The following TREML2 variants were observed in gnomAD, a reference collection of about 807,000 sequenced individuals.
The protein encoded by TREML2 is triggering receptor expressed on myeloid cells like 2.
Under a neutral mutation model 25.9 loss-of-function variants are expected in TREML2, and 24 were observed. The ratio of observed to expected loss-of-function variants is 0.93; its 90% CI spans 0.67 to 1.30. The LOEUF (loss-of-function observed/expected upper bound fraction) is 1.30, where lower values mean the gene tolerates loss of function less well. TREML2 is among the 50% of genes most tolerant of loss of function. The pLI is 0.00. For missense variants in TREML2, 359 were observed against 395.6 expected, an observed-to-expected ratio of 0.91 and a Z score of 0.78; for synonymous variants, 139 against 155.2, an observed-to-expected ratio of 0.90 and a Z score of 0.77.
chr6:41,199,325 A>G (rs1242205214), intron 1 of TREML2, among the ~76,000 whole-genome samples: 1 of 152,246 alleles, frequency 6.6e-6, no homozygotes, highest in African/African-American at 2.4e-5. Flanking sequence ...TTATTTCACA[A>G]ATAGGTTCAC....
At chr6:41,200,885 GA>G in intron 1 of TREML2, 68 bp downstream of exon 1, 4 of 1,370,994 alleles carry the variant, frequency 2.9e-6, no homozygotes, top group Non-Finnish European at 3.9e-6. Flanking sequence ...AGGAGGGTAA[GA>G]AAAAGGCCCT....
At chr6:41,196,266 C>T (rs1047208978) in intron 2 of TREML2, among the ~76,000 whole-genome samples, 1 of 152,168 alleles carries the variant, frequency 6.6e-6, no homozygotes, top group African/African-American at 2.4e-5. Context: ...GGGTCTCACT[C>T]AGAACTGGAG....
At chr6:41,199,706 C>CA (rs928637482) in intron 1 of TREML2, among the ~76,000 whole-genome samples, 4 of 151,940 alleles carry the variant, frequency 2.6e-5, no homozygotes, top group South Asian at 2.1e-4. Flanking sequence ...CAGAGTCTTC[C>CA]AAAAAAACCA....
At chr6:41,193,172 G>A (rs1023023130) in intron 3 of TREML2, among the ~76,000 whole-genome samples, 3 of 152,136 alleles carry the variant, frequency 2.0e-5, no homozygotes, top group Non-Finnish European at 4.4e-5. Context: ...GAGGATTCTA[G>A]GAGACTCCCA....
At chr6:41,198,807 G>T (rs770629218) in intron 1 of TREML2, among the ~76,000 whole-genome samples, 5 of 152,330 alleles carry the variant, frequency 3.3e-5, no homozygotes, top group Non-Finnish European at 5.9e-5. Context: ...TGATGGGAAA[G>T]TGACAAGCTC....
At chr6:41,192,644 C>T in intron 4 of TREML2, 138 bp from the exon 5 acceptor site, 1 of 1,140,828 alleles carries the variant, frequency 8.8e-7, no homozygotes, top group Non-Finnish European at 1.3e-6. Context: ...GCTGGGTGGT[C>T]TCCGCCTGGC....
intron 3 of TREML2, among the ~76,000 whole-genome samples, 183 bp downstream of exon 3, chr6:41,194,242 T>C: frequency 8.9e-6 from 1 of 111,790 alleles, no homozygotes; most frequent in Non-Finnish European, 1.8e-5. Flanking sequence ...GCCCCTCCTC[T>C]CTCCTGCCCC....
intron 1 of TREML2, among the ~76,000 whole-genome samples, chr6:41,200,032 C>A (rs1766246119): frequency 6.6e-6 from 1 of 152,190 alleles, no homozygotes; most frequent in Non-Finnish European, 1.5e-5. Context: ...CCAATGGAAC[C>A]CAGAGCTGTG....
intron 3 of TREML2, among the ~76,000 whole-genome samples, chr6:41,194,048 C>A (rs1207734369): frequency 2.0e-5 from 3 of 149,468 alleles, no homozygotes; most frequent in Admixed American, 6.7e-5. Flanking sequence ...ACCAACTCCG[C>A]TCCCCACTGA....
intron 1 of TREML2, among the ~76,000 whole-genome samples, chr6:41,200,367 C>T (rs1766252807): frequency 6.6e-6 from 1 of 152,168 alleles, no homozygotes; most frequent in African/African-American, 2.4e-5. Context: ...TCCCACCCCT[C>T]TCACAGGCAG....
At chr6:41,197,171 C>T (rs936720208) in intron 2 of TREML2, among the ~76,000 whole-genome samples, 1 of 152,216 alleles carries the variant, frequency 6.6e-6, no homozygotes, top group Admixed American at 6.5e-5. Context: ...TACTCCAGGC[C>T]ACTGTTGTTT....
At chr6:41,200,804 T>G in intron 1 of TREML2, 150 bp downstream of exon 1, 1 of 621,340 alleles carries the variant, frequency 1.6e-6, no homozygotes, top group South Asian at 3.1e-5. Flanking sequence ...GATATTAGGG[T>G]AAAGAGCTAA....
intron 1 of TREML2, 71 bp downstream of exon 1, chr6:41,200,883 A>G: frequency 7.5e-7 from 1 of 1,340,766 alleles, no homozygotes; most frequent in Non-Finnish European, 9.9e-7. Flanking sequence ...TAAGGAGGGT[A>G]AGAAAAAGGC....
intron 2 of TREML2, among the ~76,000 whole-genome samples, chr6:41,196,762 A>G (rs755076592): frequency 6.6e-6 from 1 of 152,110 alleles, no homozygotes; most frequent in African/African-American, 2.4e-5. Flanking sequence ...AGATTTCTCT[A>G]ATTCCCTGGA....
chr6:41,191,168 C>CGTGTGTGT lies in TREML2; in HGVS notation c.*1258_*1259insACACACAC, dbSNP rs1561887549. On this transcript the variant is annotated 3_prime_UTR_variant, in exon 5 of 5. Coordinates refer to ENST00000483722, the MANE Select transcript of TREML2 (RefSeq NM_024807.4). ...TCCAGTCACTCCAGGTCAGTAGACA[C>CGTGTGTGT]CTGTGTGTGTGTGTGTGTGTGTGTG... is the stretch of plus-strand genomic sequence containing the variant. The CGTGTGTGT allele has an allele frequency of 1.1e-4, 13 of 120,084 alleles. No individual in the cohort carries two copies. Among genetic ancestry groups the CGTGTGTGT allele is most frequent in the East Asian group, 1.0e-3 (4 of 3,958 alleles). The allele number at this position is 120,084 out of a possible 1,614,324, so 7.4% of individuals were successfully genotyped here. A position where few individuals can be genotyped will look rare whatever the true frequency, so the allele number is the denominator to read the frequency against.
Position 41,198,339 on chromosome 6 carries a change from C to T in TREML2, c.146G>A (p.Arg49His), listed in dbSNP as rs746603843. Reference sequence around the variant, plus strand: ...TTTGCACCAAACCTTGCCCTCCACGCGGTTTTTGTAGCCCTTATAGGAGCA... The same window carrying T: ...TTTGCACCAAACCTTGCCCTCCACGTGGTTTTTGTAGCCCTTATAGGAGCA... Reference protein sequence around the residue: ...VQCSYKGYKNRVEGKVWCKIR... With the variant: ...VQCSYKGYKNHVEGKVWCKIR... Residue 49 changes from arginine to histidine, a missense_variant, in exon 2 of 5, where the codon CGC becomes CAC. Transcript: ENST00000483722. 3.6e-5 allele frequency: 58 copies of T among 1,614,098 alleles called. No homozygotes were observed. The highest frequency in any genetic ancestry group is 1.1e-4 in the East Asian group (5 of 44,902).
rs757088299 is a variant in TREML2, at chr6:41,198,185, T to G, written c.300A>C (p.Ser100=). 6.2e-7 allele frequency: 1 copy of G among 1,614,214 alleles called. No homozygotes were observed. Among genetic ancestry groups the G allele is most frequent in the Non-Finnish European group, 8.5e-7 (1 of 1,180,024 alleles). Residue 100 remains serine (S), a synonymous_variant, in exon 2 of 5, where the codon TCA becomes TCC. Coordinates refer to ENST00000483722, the MANE Select transcript of TREML2 (RefSeq NM_024807.4). ...TGTTGCGCATGCACCAGTATCGGCC[T>G]GAGTCCTGGAGCTTGAGGGCCACCA... The part of the protein sequence containing the change: ...ITMVALKLQD[S]GRYWCMRNTS...
chr6:41,193,536 TTAAGTACTCTTTA>T (rs955657060), intron 3 of TREML2, among the ~76,000 whole-genome samples: 10 of 152,074 alleles, frequency 6.6e-5, no homozygotes, highest in African/African-American at 2.4e-4. Context: ...AGCTGCTTGG[TTAAGTACTCTTTA>T]TTAGAGGCCT....
chr6:41,196,112 C>T (rs576693567), intron 2 of TREML2, among the ~76,000 whole-genome samples: 1 of 152,296 alleles, frequency 6.6e-6, no homozygotes, highest in East Asian at 1.9e-4. Flanking sequence ...AAGTTGAAAT[C>T]TTCACAAATT....
Sources: gnomAD v4.1 joint callset for allele counts (sites outside exome capture counted in the v4.1 genomes callset) on GRCh38, gnomAD v4.1.1 for gene constraint, MANE v1.5 for transcripts, NCBI Gene and HGNC (gene_info 2026-07-23, HGNC 2026-07-21) for gene names.